The following DIAPH3 variants were observed in gnomAD, a reference collection of about 807,000 sequenced individuals.
DIAPH3 encodes protein diaphanous homolog 3.
A neutral mutation model predicts 144.3 loss-of-function variants in DIAPH3; 117 were observed. That is an observed-to-expected ratio of 0.81 (90% CI 0.70 to 0.95). The LOEUF (loss-of-function observed/expected upper bound fraction) is 0.95, where lower values mean the gene tolerates loss of function less well. DIAPH3 is among the 40% of genes least tolerant of loss of function. The probability of loss-of-function intolerance (pLI) is 0.00; values close to 1 mark genes in which losing one functional copy is unlikely to be tolerated. For synonymous variants in DIAPH3, 519 were observed against 488.9 expected, an observed-to-expected ratio of 1.06 and a Z score of -0.81; for missense variants, 1,421 against 1,412.7, an observed-to-expected ratio of 1.01 and a Z score of -0.09.
At chr13:60,121,155 G>A (rs1439928616) in intron 2 of DIAPH3, among the ~76,000 whole-genome samples, 1 of 151,838 alleles carries the variant, frequency 6.6e-6, no homozygotes, top group Non-Finnish European at 1.5e-5. Context: ...TAACTACTGT[G>A]CTTTGAAAAT....
At chr13:59,717,307 CT>C (rs1173418966) in intron 27 of DIAPH3, among the ~76,000 whole-genome samples, 6 of 152,152 alleles carry the variant, frequency 3.9e-5, no homozygotes, top group Non-Finnish European at 4.4e-5. Flanking sequence ...TTTTTCCGTA[CT>C]TTAAGTATTT....
At chr13:59,709,643 A>C (rs1266212620) in intron 27 of DIAPH3, among the ~76,000 whole-genome samples, 7 of 152,178 alleles carry the variant, frequency 4.6e-5, no homozygotes, top group South Asian at 2.1e-4. Flanking sequence ...TTACACTGTT[A>C]GTGGGACTGT....
intron 27 of DIAPH3, among the ~76,000 whole-genome samples, chr13:59,706,127 C>G (rs1210425876): frequency 1.3e-5 from 2 of 151,994 alleles, no homozygotes; most frequent in East Asian, 3.9e-4. Context: ...TAAATCACCT[C>G]TAGATTTACT....
chr13:60,018,775 A>T (rs1441474937), intron 5 of DIAPH3, among the ~76,000 whole-genome samples: 2 of 152,182 alleles, frequency 1.3e-5, no homozygotes, highest in African/African-American at 4.8e-5. Context: ...ATTATACATT[A>T]TATCTCATAA....
intron 5 of DIAPH3, among the ~76,000 whole-genome samples, chr13:60,028,888 A>G (rs769825562): frequency 5.3e-5 from 8 of 151,910 alleles, no homozygotes; most frequent in Non-Finnish European, 1.2e-4. Context: ...GTGAAACCCC[A>G]TCTCTACTAA....
chr13:60,091,032 A>T (rs2057911600), intron 4 of DIAPH3, among the ~76,000 whole-genome samples: 1 of 152,196 alleles, frequency 6.6e-6, no homozygotes, highest in Non-Finnish European at 1.5e-5. Context: ...TATGTTTATT[A>T]TCTCAAATTC....
chr13:59,804,241 A>G (rs2040082120), intron 25 of DIAPH3, among the ~76,000 whole-genome samples: 1 of 152,172 alleles, frequency 6.6e-6, no homozygotes. Flanking sequence ...TATGTTACCA[A>G]AGACATGACT....
chr13:60,016,414 G>A (rs957465925), intron 5 of DIAPH3, among the ~76,000 whole-genome samples: 3 of 152,086 alleles, frequency 2.0e-5, no homozygotes, highest in East Asian at 1.9e-4. Context: ...GGGACATCAC[G>A]TGGGTAGCTT....
intron 24 of DIAPH3, among the ~76,000 whole-genome samples, chr13:59,818,795 C>A (rs1267612884): frequency 6.6e-6 from 1 of 151,888 alleles, no homozygotes; most frequent in East Asian, 1.9e-4. Context: ...TTCACCATTT[C>A]TTTCCTTAAG....
chr13:60,163,796 A>C lies in DIAPH3; in HGVS notation c.-30T>G. 6.5e-7 allele frequency: 1 copy of C among 1,546,880 alleles called. No individual in the cohort carries two copies. The highest frequency in any genetic ancestry group is 8.7e-7 in the Non-Finnish European group (1 of 1,149,534). ...CCCCGCAGCTCCGGGGACCGGAAAG[A>C]AGGTGGCCACTCAGCAAGCCGCAAG... is the stretch of plus-strand genomic sequence containing the variant. On this transcript the variant is annotated 5_prime_UTR_variant, in exon 1 of 28. Coordinates refer to ENST00000400324, the MANE Select transcript of DIAPH3 (RefSeq NM_001042517.2).
intron 4 of DIAPH3, among the ~76,000 whole-genome samples, chr13:60,093,052 T>C (rs1482182436): frequency 6.6e-6 from 1 of 152,222 alleles, no homozygotes; most frequent in African/African-American, 2.4e-5. Flanking sequence ...TTGTTTTCCA[T>C]GAAATAAATG....
chr13:59,974,336 C>A lies in DIAPH3; in HGVS notation c.1650+16G>T, dbSNP rs1366046977. 1 of 1,597,912 alleles carries A rather than the reference C, an allele frequency of 6.3e-7. No individual in the cohort carries two copies. Among genetic ancestry groups the A allele is most frequent in the South Asian group, 1.1e-5 (1 of 90,746 alleles). ...TGTGTTTTTAATACCCAAATTCACT[C>A]AGAGTGGAATTTTACCTGAGACTTA... On this transcript the variant is annotated intron_variant, in intron 15 of 27. Transcript: ENST00000400324.
At chr13:59,999,651 T>C (rs999723708) in intron 9 of DIAPH3, among the ~76,000 whole-genome samples, 5 of 152,136 alleles carry the variant, frequency 3.3e-5, no homozygotes, top group Admixed American at 6.6e-5. Context: ...CTGGGACACA[T>C]GGGACTTTGG....
At chr13:59,857,520 A>C (rs2043324824) in intron 22 of DIAPH3, among the ~76,000 whole-genome samples, 1 of 152,208 alleles carries the variant, frequency 6.6e-6, no homozygotes, top group South Asian at 2.1e-4. Context: ...ATATGGAAAC[A>C]GAGAAATATG....
intron 27 of DIAPH3, among the ~76,000 whole-genome samples, chr13:59,684,810 T>TTA (rs2033130062): frequency 6.6e-6 from 1 of 152,154 alleles, no homozygotes; most frequent in South Asian, 2.1e-4. Flanking sequence ...TTCTAAGACT[T>TTA]TCAATGTAAT....
At chr13:60,009,390 G>C (rs2053096132) in intron 8 of DIAPH3, among the ~76,000 whole-genome samples, 1 of 151,516 alleles carries the variant, frequency 6.6e-6, no homozygotes, top group Non-Finnish European at 1.5e-5. Context: ...GAAGGGAAAA[G>C]AAAAGCAAGG....
chr13:59,731,072 T>C (rs2035870406), intron 27 of DIAPH3, among the ~76,000 whole-genome samples: 2 of 152,210 alleles, frequency 1.3e-5, no homozygotes, highest in African/African-American at 4.8e-5. Flanking sequence ...GTTGCTTACC[T>C]GCAAACTTCT....
At chr13:59,997,091 T>A (rs1459574834) in intron 9 of DIAPH3, among the ~76,000 whole-genome samples, 5 of 152,050 alleles carry the variant, frequency 3.3e-5, no homozygotes, top group Non-Finnish European at 7.4e-5. Context: ...ATTCCCCAAG[T>A]ACAACATATT....
At chr13:59,715,290 G>A (rs767238418) in intron 27 of DIAPH3, among the ~76,000 whole-genome samples, 5 of 152,070 alleles carry the variant, frequency 3.3e-5, no homozygotes, top group Non-Finnish European at 7.4e-5. Flanking sequence ...CATGGTAGAC[G>A]ATCAAATATT....
Sources: gnomAD v4.1 joint callset for allele counts (sites outside exome capture counted in the v4.1 genomes callset) on GRCh38, gnomAD v4.1.1 for gene constraint, MANE v1.5 for transcripts, NCBI Gene and HGNC (gene_info 2026-07-23, HGNC 2026-07-21) for gene names.